The following C9orf72 variants were observed in gnomAD, a reference collection of about 807,000 sequenced individuals.
The protein encoded by C9orf72 is C9orf72-SMCR8 complex subunit.
C9orf72 carries 44 observed loss-of-function variants against 51.6 expected under a neutral mutation model. The observed-to-expected ratio is 0.85, with a 90% CI of 0.67 to 1.10. The LOEUF is 1.10. Among genes scored for constraint, C9orf72 ranks in the 50% least tolerant of loss-of-function variants. The pLI, the probability that C9orf72 is intolerant of heterozygous loss-of-function variation, is 0.00. For missense variants in C9orf72, 607 were observed against 570.6 expected (o/e 1.06, Z -0.65); for synonymous variants, 213 against 194.2 (o/e 1.10, Z -0.81).
At chr9:27,561,844 A>G (rs1029244584) in intron 4 of C9orf72, among the ~76,000 whole-genome samples, 195 bp from the exon 5 acceptor site, 2 of 152,210 alleles carry the variant, frequency 1.3e-5, no homozygotes, top group Non-Finnish European at 2.9e-5. Flanking sequence ...AAGCTGGTCA[A>G]GCAGGTTAAA....
At chr9:27,555,885 A>G (rs1238614006) in intron 8 of C9orf72, among the ~76,000 whole-genome samples, 2 of 152,102 alleles carry the variant, frequency 1.3e-5, no homozygotes, top group Non-Finnish European at 2.9e-5. Flanking sequence ...AGAGAAACAC[A>G]AAAGTATACT....
chr9:27,556,672 T>C lies in C9orf72; in HGVS notation c.980A>G (p.Asn327Ser), dbSNP rs374369837. The change falls in exon 8 of 11, where the codon AAT (asparagine) becomes AGT (serine). Residue 327 changes from asparagine (N) to serine (S), a missense_variant. Asn to Ser is a conservative substitution (Grantham distance 46). Transcript: ENST00000380003. ...CTCGGATCTCATGTATCTACGCTGATTATAAATATGTTCATGACAGGGTGG... is the reference window on the plus strand; with the variant it reads ...CTCGGATCTCATGTATCTACGCTGACTATAAATATGTTCATGACAGGGTGG... ...QMPPCHEHIY[N>S]QRRYMRSELT... is the part of the protein sequence containing the mutation. 6.2e-7 allele frequency: 1 copy of C among 1,613,788 alleles called. No individual in the cohort carries two copies. Among genetic ancestry groups the C allele is most frequent in the Non-Finnish European group, 8.5e-7 (1 of 1,179,818 alleles).
chr9:27,551,506 T>G (rs1184948116), intron 8 of C9orf72, among the ~76,000 whole-genome samples: 2 of 152,156 alleles, frequency 1.3e-5, no homozygotes, highest in African/African-American at 2.4e-5. Flanking sequence ...AGTTTTTAAC[T>G]GAAAGTGGTA....
intron 7 of C9orf72, among the ~76,000 whole-genome samples, chr9:27,557,694 T>C (rs1408761302): frequency 4.6e-5 from 7 of 152,272 alleles, no homozygotes; most frequent in African/African-American, 1.4e-4. Flanking sequence ...ATAACTCAAA[T>C]AGAAACTACG....
At chr9:27,564,946 T>C (rs1430835465) in intron 3 of C9orf72, among the ~76,000 whole-genome samples, 3 of 152,154 alleles carry the variant, frequency 2.0e-5, no homozygotes, top group Non-Finnish European at 4.4e-5. Flanking sequence ...CTTCTCAAAC[T>C]CTTAGTGTCT....
intron 3 of C9orf72, among the ~76,000 whole-genome samples, chr9:27,564,470 G>A (rs937343746): frequency 6.6e-6 from 1 of 152,222 alleles, no homozygotes; most frequent in East Asian, 1.9e-4. Context: ...GGTGCTGAAA[G>A]TTACCCCATT....
chr9:27,569,098 A>T (rs866674562), intron 1 of C9orf72, among the ~76,000 whole-genome samples: 47 of 152,224 alleles, frequency 3.1e-4, no homozygotes, highest in Non-Finnish European at 4.3e-4. Context: ...AAAAAAATTT[A>T]AAATAGAAAA....
At chr9:27,555,902 C>A (rs1821001182) in intron 8 of C9orf72, among the ~76,000 whole-genome samples, 1 of 151,678 alleles carries the variant, frequency 6.6e-6, no homozygotes, top group Admixed American at 6.6e-5. Context: ...TACTATAATT[C>A]TTTTCCTGAT....
intron 8 of C9orf72, 188 bp downstream of exon 8, chr9:27,556,373 G>A: frequency 1.7e-6 from 1 of 585,106 alleles, no homozygotes; most frequent in Non-Finnish European, 3.0e-6. Flanking sequence ...CCTATTTTAG[G>A]GTAAACACAA....
chr9:27,573,507 G>GACCACGCCCCC (rs1410182614), upstream of C9orf72: 403 of 77,076 alleles, frequency 5.2e-3, 1 homozygote, highest in African/African-American at 0.016. Flanking sequence ...GCCCGCCCCC[G>GACCACGCCCCC]GGCCCGCCCC....
chr9:27,557,274 T>C (rs1819223510), intron 7 of C9orf72, among the ~76,000 whole-genome samples: 2 of 152,180 alleles, frequency 1.3e-5, no homozygotes, highest in Admixed American at 1.3e-4. Flanking sequence ...TTCTTAATTA[T>C]TCTATGCACC....
rs1820820645 is a variant in C9orf72 at position 27,548,427 on chromosome 9, A to T, written c.1260-5T>A. The T allele has an allele frequency of 7.8e-7, 1 of 1,278,296 alleles. No individual in the cohort carries two copies. The highest frequency in any genetic ancestry group is 1.1e-6 in the Non-Finnish European group (1 of 929,360). 79.2% of individuals were successfully genotyped at this position (1,278,296 alleles called of 1,614,324 possible). On this transcript the variant is annotated splice_region_variant and splice_polypyrimidine_tract_variant and intron_variant, in intron 10 of 10. Coordinates refer to ENST00000380003, the MANE Select transcript of C9orf72 (RefSeq NM_018325.5). The stretch of plus-strand genomic sequence containing the variant: ...AAGGGCTTTTTTCCCTTCTGCCTAA[A>T]AATAATGGAAAAAAAAAAAAAAAAA...
At chr9:27,569,381 TC>T (rs1419704691) in intron 1 of C9orf72, among the ~76,000 whole-genome samples, 1 of 152,206 alleles carries the variant, frequency 6.6e-6, no homozygotes, top group African/African-American at 2.4e-5. Context: ...CAACTTCTAG[TC>T]CTGCAAGCTC....
intron 7 of C9orf72, among the ~76,000 whole-genome samples, chr9:27,558,063 T>C (rs1403630174): frequency 6.7e-6 from 1 of 149,374 alleles, no homozygotes; most frequent in Non-Finnish European, 1.5e-5. Flanking sequence ...TTCTAATATA[T>C]ATTATATATA....
At chr9:27,556,980 A>G (rs1037649965) in intron 7 of C9orf72, among the ~76,000 whole-genome samples, 184 bp from the exon 8 acceptor site, 2 of 152,230 alleles carry the variant, frequency 1.3e-5, no homozygotes, top group Admixed American at 6.5e-5. Flanking sequence ...TGGTTTCAAT[A>G]GCAAAACATC....
chr9:27,569,301 A>C (rs1437604818), intron 1 of C9orf72, among the ~76,000 whole-genome samples: 2 of 152,236 alleles, frequency 1.3e-5, no homozygotes, highest in Admixed American at 6.5e-5. Flanking sequence ...CTGTGTTTAT[A>C]GTCTACAGTG....
At chr9:27,561,212 G>T in intron 5 of C9orf72, 1 of 1,004,354 alleles carries the variant, frequency 1.0e-6, no homozygotes, top group Non-Finnish European at 1.2e-6. Flanking sequence ...GATGGAAAAA[G>T]ATCAGTATAA....
intron 1 of C9orf72, among the ~76,000 whole-genome samples, chr9:27,570,942 C>T (rs1220881938): frequency 6.6e-6 from 1 of 152,084 alleles, no homozygotes; most frequent in East Asian, 1.9e-4. Context: ...TACTGAATTG[C>T]TTAGTTTTAA....
intron 1 of C9orf72, among the ~76,000 whole-genome samples, chr9:27,572,726 C>G (rs538572873): frequency 5.9e-5 from 9 of 152,136 alleles, no homozygotes; most frequent in Admixed American, 5.2e-4. Context: ...AATGAGCACA[C>G]GGACATGTAA....
Sources: allele counts gnomAD v4.1 joint callset (sites outside exome capture counted in the v4.1 genomes callset), GRCh38; gene constraint gnomAD v4.1.1; transcripts MANE v1.5; gene names NCBI Gene and HGNC (gene_info 2026-07-23, HGNC 2026-07-21).